Variants in USPL1 observed in about 807,000 individuals in gnomAD.
USPL1 encodes ubiquitin specific peptidase like 1, also known as SUMO-specific isopeptidase USPL1.
In USPL1, 27 loss-of-function variants were observed where a neutral mutation model predicts 51.5. The ratio of observed to expected loss-of-function variants is 0.52; its 90% CI spans 0.39 to 0.72. USPL1 has a LOEUF of 0.72. Ranked by LOEUF, USPL1 falls within the 30% of genes least tolerant of loss-of-function variation. The pLI is 0.00. For missense variants in USPL1, 1,226 were observed against 1,268.0 expected (o/e 0.97, Z 0.50); for synonymous variants, 451 against 459.6 (o/e 0.98, Z 0.24).
chr13:30,655,647 G>T (rs989322587), intron 8 of USPL1, among the ~76,000 whole-genome samples: 8 of 152,096 alleles, frequency 5.3e-5, no homozygotes, highest in Non-Finnish European at 1.2e-4. Flanking sequence ...GAAACTGAGC[G>T]CACTTTCAAT....
chr13:30,641,080 C>G (rs776451297), intron 5 of USPL1, among the ~76,000 whole-genome samples: 1 of 152,204 alleles, frequency 6.6e-6, no homozygotes, highest in Non-Finnish European at 1.5e-5. Context: ...AGTTGCTTCT[C>G]TAGTACTTTT....
At chr13:30,645,076 CTG>C (rs1363111335) in intron 6 of USPL1, among the ~76,000 whole-genome samples, 1 of 152,196 alleles carries the variant, frequency 6.6e-6, no homozygotes, top group Non-Finnish European at 1.5e-5. Context: ...AGATGACACA[CTG>C]TAAGTGGCAG....
chr13:30,642,536 A>G, intron 5 of USPL1, 92 bp from the exon 6 acceptor site: 6 of 1,466,808 alleles, frequency 4.1e-6, no homozygotes, highest in Non-Finnish European at 5.5e-6. Context: ...TTCATGCTGT[A>G]AATATAGTAA....
chr13:30,637,910 A>G, intron 5 of USPL1, 53 bp downstream of exon 5: 4 of 1,266,354 alleles, frequency 3.2e-6, no homozygotes, highest in South Asian at 2.4e-5. Flanking sequence ...ATATAGAAAT[A>G]TGTACCTCAT....
In USPL1 at chr13:30,658,937, T is replaced by G; in HGVS notation, c.2860T>G (p.Cys954Gly). 6.2e-7 allele frequency: 1 copy of G among 1,614,238 alleles called. No homozygotes were observed. The highest frequency in any genetic ancestry group is 8.5e-7 in the Non-Finnish European group (1 of 1,180,044). ...AATTGATATTGCCAGTGAGTCTGCATGCACCACTGTTCCTGGTGTTTCCCT... is the reference window on the plus strand; with the variant it reads ...AATTGATATTGCCAGTGAGTCTGCAGGCACCACTGTTCCTGGTGTTTCCCT... ...YPIDIASESA[C>G]TTVPGVSLYS... The change falls in exon 9 of 9, where the codon TGC becomes GGC. Residue 954 changes from cysteine (C) to glycine (G), a missense_variant. Cys to Gly is a radical substitution (Grantham distance 159). Transcript: ENST00000255304.
chr13:30,650,392 C>G (rs530635811), intron 7 of USPL1, among the ~76,000 whole-genome samples: 1 of 151,564 alleles, frequency 6.6e-6, no homozygotes, highest in Non-Finnish European at 1.5e-5. Flanking sequence ...TCCTGGCCAA[C>G]GTGGTGAAAC....
At chr13:30,638,764 A>C (rs911498076) in intron 5 of USPL1, among the ~76,000 whole-genome samples, 6 of 151,336 alleles carry the variant, frequency 4.0e-5, no homozygotes, top group African/African-American at 1.5e-4. Flanking sequence ...GTGACATTTA[A>C]CTTATATTAA....
chr13:30,642,831 A>C (rs1593380720), intron 6 of USPL1, 74 bp downstream of exon 6: 4 of 1,523,976 alleles, frequency 2.6e-6, no homozygotes. Flanking sequence ...CAATTTGAGC[A>C]CCAGACACTA....
chr13:30,640,582 C>T (rs373778490), intron 5 of USPL1, among the ~76,000 whole-genome samples: 37 of 152,116 alleles, frequency 2.4e-4, no homozygotes, highest in African/African-American at 7.7e-4. Context: ...CCCAGCTACT[C>T]GGGAGGCTGA....
At chr13:30,647,979 C>T (rs1951040170) in intron 7 of USPL1, among the ~76,000 whole-genome samples, 1 of 152,148 alleles carries the variant, frequency 6.6e-6, no homozygotes, top group Non-Finnish European at 1.5e-5. Context: ...AATTGATGTG[C>T]CTATTCTACC....
In USPL1 at chr13:30,634,404, G is replaced by T. The variant is rs368261710; in HGVS notation, c.868+2930G>T. ...TTCCGCTTAATATTTTCAGACCACG[G>T]TTGAGTTCAGGTAACTGAAACCATA... On this transcript the variant is annotated intron_variant, in intron 4 of 8. Transcript: ENST00000255304. Among the ~76,000 whole-genome samples, 45 of 152,300 alleles carry T rather than the reference G, an allele frequency of 3.0e-4. 1 individual carries two copies. The highest frequency in any genetic ancestry group is 1.0e-3 in the African/African-American group (43 of 41,562).
chr13:30,645,828 A>C (rs1434816375), intron 6 of USPL1, among the ~76,000 whole-genome samples: 3 of 152,232 alleles, frequency 2.0e-5, no homozygotes, highest in African/African-American at 7.2e-5. Context: ...TGGGGATAAG[A>C]ATAGCACCTG....
chr13:30,653,713 A>G (rs1481422595), intron 8 of USPL1, among the ~76,000 whole-genome samples: 1 of 152,248 alleles, frequency 6.6e-6, no homozygotes, highest in Non-Finnish European at 1.5e-5. Flanking sequence ...AACAGCTACC[A>G]TCAAGATAAA....
chr13:30,660,289 TC>T lies in USPL1; in HGVS notation c.*934del, dbSNP rs1464941951. ...CCCTCAGCCTTCAGGCCCTCCCTGT[TC>T]ATGGCTTCCAGGCTTACCCCCCTGC... On this transcript the variant is annotated 3_prime_UTR_variant, in exon 9 of 9. Transcript: ENST00000255304. 3 of 152,290 alleles carry T rather than the reference TC, an allele frequency of 2.0e-5. No individual in the cohort carries two copies. Among genetic ancestry groups the T allele is most frequent in the African/African-American group, 7.2e-5 (3 of 41,452 alleles). 9.4% of individuals were successfully genotyped at this position (152,290 alleles called of 1,614,324 possible). A position where few individuals can be genotyped will look rare whatever the true frequency, so the allele number is the denominator to read the frequency against.
In USPL1 at chr13:30,657,773, G is replaced by GT. The variant is rs1951185451; in HGVS notation, c.1697dup (p.Thr567AsnfsTer15). 6.2e-7 allele frequency: 1 copy of GT among 1,613,974 alleles called. No homozygotes were observed. The highest frequency in any genetic ancestry group is 1.1e-5 in the South Asian group (1 of 91,082). ...TCGTACTCTTTCACAGGACACAGCT[G>GT]TAACTCATGGAGATCATTTACTTTC... On this transcript the variant is annotated frameshift_variant, in exon 9 of 9. Transcript: ENST00000255304. LOFTEE classifies it low-confidence loss of function (END_TRUNC).
intron 8 of USPL1, among the ~76,000 whole-genome samples, chr13:30,653,879 C>T (rs1186554604): frequency 6.6e-6 from 1 of 152,006 alleles, no homozygotes; most frequent in Non-Finnish European, 1.5e-5. Context: ...TAACTCAATC[C>T]CCTTAAAGGG....
intron 8 of USPL1, among the ~76,000 whole-genome samples, chr13:30,655,432 T>C (rs1951148859): frequency 6.6e-6 from 1 of 152,224 alleles, no homozygotes; most frequent in Non-Finnish European, 1.5e-5. Flanking sequence ...TCTCCTTTCT[T>C]AATCTTTGCA....
intron 6 of USPL1, among the ~76,000 whole-genome samples, chr13:30,646,171 G>C (rs1399175332): frequency 6.6e-6 from 1 of 152,170 alleles, no homozygotes; most frequent in Non-Finnish European, 1.5e-5. Context: ...TATCTCTTAA[G>C]TAGCTGCTCT....
rs1487544206 is a variant in USPL1, at chr13:30,659,077, T to C, written c.3000T>C (p.Asp1000=). 3 of 1,614,040 alleles carry C rather than the reference T, an allele frequency of 1.9e-6. No homozygotes were observed. The highest frequency in any genetic ancestry group is 2.5e-6 in the Non-Finnish European group (3 of 1,180,050). ...ACTTTAGGTATTTGGGAATGGGAGA[T>C]AGTCATATCCCACCACCAGTACCAA... ...EGDFRYLGMG[D]SHIPPPVPSE... Residue 1000 remains aspartate (D), a synonymous_variant, in exon 9 of 9, where the codon GAT becomes GAC. Coordinates refer to ENST00000255304, the MANE Select transcript of USPL1 (RefSeq NM_005800.5).
Sources: gnomAD v4.1 joint callset for allele counts (sites outside exome capture counted in the v4.1 genomes callset) on GRCh38, gnomAD v4.1.1 for gene constraint, MANE v1.5 for transcripts, NCBI Gene and HGNC (gene_info 2026-07-23, HGNC 2026-07-21) for gene names.